Variants in TBXAS1 observed in about 807,000 individuals in gnomAD.
TBXAS1 encodes thromboxane A synthase 1, also known as thromboxane-A synthase.
In TBXAS1, 48 loss-of-function variants were observed where a neutral mutation model predicts 60.7. The observed-to-expected ratio is 0.79, with a 90% CI of 0.63 to 1.01. The LOEUF is 1.01. TBXAS1 is among the 50% of genes least tolerant of loss of function. TBXAS1 has a pLI of 0.00. For missense variants in TBXAS1, 685 were observed against 686.3 expected (o/e 1.00, Z 0.02); for synonymous variants, 287 against 269.7 (o/e 1.06, Z -0.63).
In TBXAS1 at chr7:139,843,569, C is replaced by T. The variant is rs546415281; in HGVS notation, c.89+14090C>T. Among the ~76,000 whole-genome samples the T allele has an allele frequency of 3.4e-3, 516 of 152,268 alleles. 4 individuals are homozygous for T. Among genetic ancestry groups the T allele is most frequent in the African/African-American group, 0.012 (489 of 41,542 alleles). On this transcript the variant is annotated intron_variant, in intron 1 of 12. Transcript: ENST00000448866. Reference sequence around the variant, plus strand: ...TGTTGGCCAGTCTGGTCTCGAACTCCTGACCTCAGGTGATCCGCCCACCTC... The same window carrying T: ...TGTTGGCCAGTCTGGTCTCGAACTCTTGACCTCAGGTGATCCGCCCACCTC...
chr7:139,862,775 G>C (rs55723240), intron 1 of TBXAS1, among the ~76,000 whole-genome samples: 9,298 of 152,202 alleles, frequency 0.061, 762 homozygotes, highest in African/African-American at 0.19. Context: ...GAATCCCTCT[G>C]TCTCTCTCTT....
chr7:139,853,633 G>A (rs1800378829), intron 1 of TBXAS1, among the ~76,000 whole-genome samples: 2 of 150,972 alleles, frequency 1.3e-5, no homozygotes, highest in Admixed American at 1.3e-4. Flanking sequence ...CCAGAGGCAG[G>A]GGCAGCCCCA....
rs4526 is a variant in TBXAS1, at chr7:140,015,781, G to A, written c.1285G>A (p.Ala429Thr). The change falls in exon 11 of 13, where the codon GCT (alanine) becomes ACT (threonine). Residue 429 changes from alanine to threonine, a missense_variant. Transcript: ENST00000448866. ...GCTGGGGCAGCGCATCCCCGCAGGC[G>A]CTGTGCTAGAGATGGCCGTGGGTGC... is the stretch of plus-strand genomic sequence containing the variant. ...EVLGQRIPAG[A>T]VLEMAVGALH... The A allele has an allele frequency of 3.6e-3, 5,874 of 1,613,584 alleles. 146 individuals carry two copies. In the African/African-American group the frequency reaches 0.058, roughly 16 times the overall value.
intron 5 of TBXAS1, among the ~76,000 whole-genome samples, chr7:139,948,355 C>G (rs372611798): frequency 6.6e-6 from 1 of 152,096 alleles, no homozygotes; most frequent in African/African-American, 2.4e-5. Flanking sequence ...CTTATAAGGA[C>G]ACCAATCCTA....
chr7:139,910,132 C>T (rs555259880), intron 3 of TBXAS1, among the ~76,000 whole-genome samples: 1 of 152,324 alleles, frequency 6.6e-6, no homozygotes, highest in South Asian at 2.1e-4. Context: ...CCTGCCAGAA[C>T]ATCACGCTGT....
At chr7:139,905,057 T>TTCTTTCTTTCTTTCTTTCTTTC (rs1247644902) in intron 3 of TBXAS1, among the ~76,000 whole-genome samples, 3 of 107,558 alleles carry the variant, frequency 2.8e-5, no homozygotes, top group East Asian at 2.6e-4. Context: ...CTTTCTTTCT[T>TTCTTTCTTTCTTTCTTTCTTTC]TCTCTCTCTC....
intron 3 of TBXAS1, among the ~76,000 whole-genome samples, chr7:139,783,351 C>CAAAA (rs112605966): frequency 4.4e-5 from 6 of 136,854 alleles, no homozygotes; most frequent in African/African-American, 1.6e-4. Flanking sequence ...GGAAATATGG[C>CAAAA]AAAAAAAAAA....
chr7:140,012,185 C>T (rs114483440), intron 10 of TBXAS1, among the ~76,000 whole-genome samples: 355 of 152,192 alleles, frequency 2.3e-3, no homozygotes, highest in African/African-American at 8.3e-3. Context: ...TCCCAACCCC[C>T]GTGTTACCTG....
At chr7:139,856,234 G>A (rs556980133) in intron 1 of TBXAS1, among the ~76,000 whole-genome samples, 4 of 152,314 alleles carry the variant, frequency 2.6e-5, no homozygotes, top group East Asian at 3.9e-4. Context: ...TGTTCTAGGG[G>A]GAGCGAGAGT....
chr7:139,947,455 C>T (rs12666944), intron 5 of TBXAS1, among the ~76,000 whole-genome samples: 122,337 of 152,146 alleles, frequency 0.8, 49,801 homozygotes, highest in African/African-American at 0.94. Context: ...TAGCTAATGC[C>T]TAATACCTAG....
chr7:139,788,367 T>C (rs1464985413), intron 4 of TBXAS1, among the ~76,000 whole-genome samples: 1 of 152,246 alleles, frequency 6.6e-6, no homozygotes, highest in East Asian at 1.9e-4. Context: ...TTCATTTTTA[T>C]GGTCTGATTC....
At chr7:139,922,057 G>A (rs553921038) in intron 4 of TBXAS1, among the ~76,000 whole-genome samples, 27 of 150,200 alleles carry the variant, frequency 1.8e-4, no homozygotes, top group African/African-American at 6.3e-4. Flanking sequence ...GTTTTAATTT[G>A]TATTTATCTG....
At chr7:139,868,821 A>AT (rs920737677) in intron 1 of TBXAS1, among the ~76,000 whole-genome samples, 53 of 143,016 alleles carry the variant, frequency 3.7e-4, no homozygotes, top group South Asian at 1.1e-3. Flanking sequence ...TACCTTTTGT[A>AT]TTTTTTTTTT....
At chr7:139,783,874 C>A (rs1797081186) in intron 3 of TBXAS1, among the ~76,000 whole-genome samples, 1 of 152,150 alleles carries the variant, frequency 6.6e-6, no homozygotes, top group African/African-American at 2.4e-5. Context: ...TTGCAAATCG[C>A]ATGCCCTTTC....
intron 5 of TBXAS1, among the ~76,000 whole-genome samples, chr7:139,950,990 G>A (rs963459110): frequency 5.3e-5 from 8 of 152,162 alleles, no homozygotes; most frequent in African/African-American, 1.9e-4. Context: ...AACTGCAGAG[G>A]AGAGGGGTCC....
rs141373981 is a variant in TBXAS1, at chr7:139,835,674, C to A, written c.89+6195C>A. 2.0e-3 allele frequency among the ~76,000 whole-genome samples: 302 copies of A among 152,242 alleles called. 2 individuals are homozygous for A. In the East Asian group the frequency reaches 0.023, roughly 12 times the overall value. ...TCACAAACCCACAGCCAACCTAATA[C>A]TGAATGGGGAAAAGTTGAAAGCATT... On this transcript the variant is annotated intron_variant, in intron 1 of 12. Coordinates refer to ENST00000448866, the MANE Select transcript of TBXAS1 (RefSeq NM_001061.7).
intron 4 of TBXAS1, among the ~76,000 whole-genome samples, chr7:139,918,767 C>A (rs1467739931): frequency 6.6e-6 from 1 of 152,090 alleles, no homozygotes; most frequent in African/African-American, 2.4e-5. Flanking sequence ...TTTTAGCCAC[C>A]ACATGCCCCT....
upstream of TBXAS1, among the ~76,000 whole-genome samples, chr7:139,824,752 G>A (rs997648475): frequency 2.0e-5 from 3 of 152,004 alleles, no homozygotes; most frequent in African/African-American, 4.8e-5. Flanking sequence ...TTGTCAGTGG[G>A]AGTTGGGATT....
At chr7:139,864,113 A>C (rs1162580585) in intron 1 of TBXAS1, among the ~76,000 whole-genome samples, 1 of 152,190 alleles carries the variant, frequency 6.6e-6, no homozygotes, top group Non-Finnish European at 1.5e-5. Flanking sequence ...AAAAGGATTA[A>C]AAAGAAAGAG....
Sources: gnomAD v4.1 joint callset for allele counts (sites outside exome capture counted in the v4.1 genomes callset) on GRCh38, gnomAD v4.1.1 for gene constraint, MANE v1.5 for transcripts, NCBI Gene and HGNC (gene_info 2026-07-23, HGNC 2026-07-21) for gene names.